RBMS3: variants seen among roughly 807,000 people sequenced by gnomAD.
RBMS3 encodes the protein RNA-binding motif, single-stranded-interacting protein 3.
A neutral mutation model predicts 66.8 loss-of-function variants in RBMS3; 27 were observed. That is an observed-to-expected ratio of 0.40 (90% confidence interval 0.30 to 0.56). The LOEUF is 0.56. RBMS3 is among the 20% of genes least tolerant of loss of function. The pLI, the probability that RBMS3 is intolerant of heterozygous loss-of-function variation, is 0.40. For missense variants in RBMS3, 513 were observed against 549.5 expected (o/e 0.93, Z 0.66); for synonymous variants, 188 against 183.0 (o/e 1.03, Z -0.22).
At chr3:29,875,850 T>A (rs146504500) in intron 7 of RBMS3, among the ~76,000 whole-genome samples, 74 of 152,320 alleles carry the variant, frequency 4.9e-4, no homozygotes, top group African/African-American at 1.6e-3. Flanking sequence ...TCTGATGGCA[T>A]CTTTCTATCT....
At chr3:29,696,896 C>G (rs1576548047) in intron 4 of RBMS3, 3 of 930,932 alleles carry the variant, frequency 3.2e-6, no homozygotes, top group Non-Finnish European at 3.8e-6. Flanking sequence ...ATTTATACAC[C>G]AACCCCTGAT....
intron 5 of RBMS3, among the ~76,000 whole-genome samples, chr3:29,747,981 A>C (rs1362973116): frequency 6.6e-6 from 1 of 152,222 alleles, no homozygotes; most frequent in Non-Finnish European, 1.5e-5. Flanking sequence ...GGGAGATGAC[A>C]ATAAGTATGT....
At position 29,739,752 on chromosome 3, in the gene RBMS3, C is replaced by G; in HGVS notation, c.432C>G (p.Ile144Met). 3 of 1,611,948 alleles carry G rather than the reference C, an allele frequency of 1.9e-6. No individual in the cohort carries two copies. The highest frequency in any genetic ancestry group is 2.5e-6 in the Non-Finnish European group (3 of 1,179,116). ...AGCAAGACCCAACAAACCTATACAT[C>G]TCAAATCTCCCCATTTCTATGGATG... is the stretch of plus-strand genomic sequence containing the variant. ...QQEQDPTNLY[I>M]SNLPISMDEQ... Residue 144 changes from isoleucine (I) to methionine (M), a missense_variant, in exon 5 of 15, where the codon ATC becomes ATG. Coordinates refer to ENST00000383767, the MANE Select transcript of RBMS3 (RefSeq NM_001003793.3).
intron 10 of RBMS3, among the ~76,000 whole-genome samples, chr3:29,911,984 T>TAGATAGAC (rs202219572): frequency 0.012 from 1,635 of 135,730 alleles, 39 homozygotes; most frequent in African/African-American, 0.047. Flanking sequence ...ACATAATAGC[T>TAGATAGAC]AGATAGATAG....
rs540297232 is a variant in RBMS3, at chr3:29,709,059, G to A, written c.400-30661G>A. On this transcript the variant is annotated intron_variant, in intron 4 of 14. Coordinates refer to ENST00000383767, the MANE Select transcript of RBMS3 (RefSeq NM_001003793.3). The stretch of plus-strand genomic sequence containing the variant: ...CTCCCACTGGGGCCTGCTGAAGTCC[G>A]ATCTGCGTCACAGCTTGCGTTCTCC... Among the ~76,000 whole-genome samples the A allele has an allele frequency of 3.3e-5, 5 of 152,234 alleles. No homozygotes were observed. In the South Asian group the frequency reaches 8.3e-4, roughly 25 times the overall value.
Position 29,869,159 on chromosome 3 carries a change from C to T in RBMS3, c.744+195C>T, listed in dbSNP as rs574581228. Among the ~76,000 whole-genome samples, 3 of 152,274 alleles carry T rather than the reference C, an allele frequency of 2.0e-5. No individual in the cohort carries two copies. The East Asian group carries it at 5.8e-4, about 29-fold the overall frequency. ...GAGGAGTAGAGGATTTCAAATTTAA[C>T]CTCAGTTCTGCACTACAGCAAGTCT... On this transcript the variant is annotated intron_variant, in intron 7 of 14. Coordinates refer to ENST00000383767, the MANE Select transcript of RBMS3 (RefSeq NM_001003793.3).
intron 1 of RBMS3, among the ~76,000 whole-genome samples, chr3:29,374,469 A>G (rs1158814804): frequency 1.3e-5 from 2 of 152,230 alleles, no homozygotes; most frequent in Non-Finnish European, 2.9e-5. Flanking sequence ...TGCATTTAGT[A>G]GAAACTGTAC....
At chr3:29,435,626 A>C (rs1012937600) in intron 2 of RBMS3, among the ~76,000 whole-genome samples, 1 of 152,184 alleles carries the variant, frequency 6.6e-6, no homozygotes, top group Admixed American at 6.5e-5. Flanking sequence ...CCTTCCCATA[A>C]AATTAATAAT....
In RBMS3 at chr3:29,944,193, C is replaced by G; in HGVS notation, c.1051-14C>G. The G allele has an allele frequency of 1.3e-6, 2 of 1,575,966 alleles. No homozygotes were observed. The highest frequency in any genetic ancestry group is 1.7e-6 in the Non-Finnish European group (2 of 1,146,588). ...ACTTCATTGCATTCTTTCTCATGCT[C>G]TTTTCATTCAAAGATTCAATCCCAA... On this transcript the variant is annotated splice_polypyrimidine_tract_variant and intron_variant, in intron 11 of 14. Transcript: ENST00000383767.
At chr3:29,302,529 A>G (rs1242059376) in intron 1 of RBMS3, among the ~76,000 whole-genome samples, 1 of 152,052 alleles carries the variant, frequency 6.6e-6, no homozygotes, top group African/African-American at 2.4e-5. Context: ...AAAAAAATAT[A>G]TATGTATAGT....
intron 5 of RBMS3, among the ~76,000 whole-genome samples, chr3:29,747,528 C>T (rs1034485922): frequency 6.6e-6 from 1 of 151,944 alleles, no homozygotes; most frequent in African/African-American, 2.4e-5. Context: ...CAGAGATGTA[C>T]ATACACCCAC....
At chr3:29,824,620 G>A (rs2058158573) in intron 6 of RBMS3, among the ~76,000 whole-genome samples, 1 of 152,074 alleles carries the variant, frequency 6.6e-6, no homozygotes, top group Admixed American at 6.6e-5. Context: ...CCACTTCACA[G>A]CAATTGCAGC....
intron 10 of RBMS3, among the ~76,000 whole-genome samples, chr3:29,918,979 A>C (rs1028163940): frequency 6.6e-6 from 1 of 152,134 alleles, no homozygotes; most frequent in Non-Finnish European, 1.5e-5. Flanking sequence ...TATAAAAACA[A>C]GCAAAAAGCT....
intron 6 of RBMS3, among the ~76,000 whole-genome samples, chr3:29,788,701 T>C (rs1483438527): frequency 2.0e-5 from 3 of 152,204 alleles, no homozygotes. Flanking sequence ...AAATGAAAAG[T>C]AAATGTCTGT....
At chr3:29,565,537 T>G (rs2046712056) in intron 3 of RBMS3, among the ~76,000 whole-genome samples, 1 of 152,148 alleles carries the variant, frequency 6.6e-6, no homozygotes, top group East Asian at 1.9e-4. Context: ...TGAGCAATAC[T>G]GTTCCTGGGC....
intron 4 of RBMS3, among the ~76,000 whole-genome samples, chr3:29,667,679 T>C: frequency 6.6e-6 from 1 of 152,190 alleles, no homozygotes; most frequent in East Asian, 1.9e-4. Flanking sequence ...TGAAATGACA[T>C]TCTGCTAGCA....
At chr3:29,626,707 T>C (rs9844932) in intron 4 of RBMS3, among the ~76,000 whole-genome samples, 10,367 of 152,062 alleles carry the variant, frequency 0.068, 667 homozygotes, top group East Asian at 0.33. Context: ...GCAGGATAGA[T>C]ATAAATGCCA....
Position 29,376,178 on chromosome 3 carries a change from C to A in RBMS3, c.76-58565C>A, listed in dbSNP as rs186532606. ...ACACATGATGGGGGAACAACACACACTGGGTCTTGTCAGAGGGTGGGGGGT... is the reference window on the plus strand; with the variant it reads ...ACACATGATGGGGGAACAACACACAATGGGTCTTGTCAGAGGGTGGGGGGT... On this transcript the variant is annotated intron_variant, in intron 1 of 14. Transcript: ENST00000383767. Among the ~76,000 whole-genome samples the A allele has an allele frequency of 5.0e-5, 6 of 120,562 alleles. No individual in the cohort carries two copies. In the Admixed American group the frequency reaches 7.0e-4, roughly 14 times the overall value. The allele number at this position is 120,562 out of a possible 152,430, so 79.1% of individuals were successfully genotyped here. A position where few individuals can be genotyped will look rare whatever the true frequency, so the allele number is the denominator to read the frequency against.
intron 4 of RBMS3, among the ~76,000 whole-genome samples, chr3:29,662,433 C>T (rs1188711423): frequency 6.6e-6 from 1 of 152,096 alleles, no homozygotes; most frequent in African/African-American, 2.4e-5. Flanking sequence ...TAACTCAGTC[C>T]ATTTCAACTG....
Sources: gnomAD v4.1 joint callset for allele counts (sites outside exome capture counted in the v4.1 genomes callset) on GRCh38, gnomAD v4.1.1 for gene constraint, MANE v1.5 for transcripts, NCBI Gene and HGNC (gene_info 2026-07-23, HGNC 2026-07-21) for gene names.